CADM2: variants seen among roughly 807,000 people sequenced by gnomAD.
CADM2 encodes cell adhesion molecule 2.
In CADM2, 12 loss-of-function variants were observed where a neutral mutation model predicts 49.8. The observed-to-expected ratio is 0.24, with a 90% confidence interval of 0.15 to 0.39. The LOEUF is 0.39. Among genes scored for constraint, CADM2 ranks in the 10% least tolerant of loss-of-function variants. The pLI is 1.00. For missense variants in CADM2, 378 were observed against 492.3 expected, an observed-to-expected ratio of 0.77 and a Z score of 2.20; for synonymous variants, 214 against 175.4, an observed-to-expected ratio of 1.22 and a Z score of -1.74.
chr3:85,674,283 G>A (rs892012093), intron 1 of CADM2, among the ~76,000 whole-genome samples: 1 of 152,100 alleles, frequency 6.6e-6, no homozygotes, highest in African/African-American at 2.4e-5. Flanking sequence ...GCACACCCAA[G>A]TTAGTATTTT....
At position 85,772,239 on chromosome 3, in the gene CADM2, A is replaced by C. The variant is rs184254183; in HGVS notation, c.89-29808A>C. 3.3e-3 allele frequency among the ~76,000 whole-genome samples: 509 copies of C among 152,178 alleles called. 1 individual carries two copies. Among genetic ancestry groups the C allele is most frequent in the Admixed American group, 0.01 (155 of 15,262 alleles). ...ATCCAACTGGAAAAAGATAATTTTCATAATATTAACTGGTCATTAACTGAC... is the reference window on the plus strand; with the variant it reads ...ATCCAACTGGAAAAAGATAATTTTCCTAATATTAACTGGTCATTAACTGAC... On this transcript the variant is annotated intron_variant, in intron 2 of 9. Transcript: ENST00000383699.
At chr3:85,986,270 C>T (rs755244930) in intron 8 of CADM2, among the ~76,000 whole-genome samples, 1 of 151,828 alleles carries the variant, frequency 6.6e-6, no homozygotes, top group African/African-American at 2.4e-5. Context: ...AAAGAAAAAG[C>T]ATTCCAGTAC....
In CADM2 at chr3:85,725,149, G is replaced by C. The variant is rs566631446; in HGVS notation, c.62-1373G>C. Among the ~76,000 whole-genome samples, 69 of 151,926 alleles carry C rather than the reference G, an allele frequency of 4.5e-4. 1 individual carries two copies. The highest frequency in any genetic ancestry group is 1.6e-3 in the African/African-American group (67 of 41,520). On this transcript the variant is annotated intron_variant, in intron 1 of 9. Transcript: ENST00000383699. ...ATTTCCTAAAATAACTTTGTTTTTA[G>C]TTAAGATGTTTTTGTCTGGTAAAAA...
chr3:85,453,447 A>G (rs2037844903), intron 1 of CADM2, among the ~76,000 whole-genome samples: 1 of 152,098 alleles, frequency 6.6e-6, no homozygotes, highest in African/African-American at 2.4e-5. Context: ...TCTTCAATTC[A>G]CATATTTTAT....
At chr3:85,977,648 A>G (rs780384439) in intron 8 of CADM2, among the ~76,000 whole-genome samples, 15 of 151,758 alleles carry the variant, frequency 9.9e-5, no homozygotes, top group Non-Finnish European at 1.8e-4. Flanking sequence ...AACAAGAAGT[A>G]TCTTTGTCCA....
At chr3:85,663,427 A>C (rs1028597054) in intron 1 of CADM2, among the ~76,000 whole-genome samples, 1 of 151,768 alleles carries the variant, frequency 6.6e-6, no homozygotes, top group African/African-American at 2.4e-5. Flanking sequence ...CATATCTCTC[A>C]TTCTTGCTTT....
intron 1 of CADM2, among the ~76,000 whole-genome samples, chr3:85,589,533 A>C (rs2063045999): frequency 6.6e-6 from 1 of 152,010 alleles, no homozygotes; most frequent in African/African-American, 2.4e-5. Flanking sequence ...AGTATCCTGT[A>C]GGCTGGTCTA....
intron 6 of CADM2, among the ~76,000 whole-genome samples, chr3:85,913,034 A>G (rs1717836497): frequency 6.6e-6 from 1 of 152,168 alleles, no homozygotes; most frequent in African/African-American, 2.4e-5. Flanking sequence ...ATCATTATTC[A>G]CAATCAATAA....
chr3:85,839,599 T>C (rs538162756), intron 3 of CADM2, among the ~76,000 whole-genome samples: 7 of 151,892 alleles, frequency 4.6e-5, no homozygotes, highest in African/African-American at 1.4e-4. Context: ...AGGCACACAA[T>C]TTAGCCTTCT....
intron 1 of CADM2, among the ~76,000 whole-genome samples, chr3:85,114,150 CTGCAATTAGGGT>C (rs2038559140): frequency 6.6e-6 from 1 of 151,878 alleles, no homozygotes; most frequent in Admixed American, 6.6e-5. Context: ...TACAGTTCCT[CTGCAATTAGGGT>C]TGCAAGGCTT....
At chr3:85,852,004 G>A (rs986152146) in intron 3 of CADM2, among the ~76,000 whole-genome samples, 1 of 151,922 alleles carries the variant, frequency 6.6e-6, no homozygotes, top group African/African-American at 2.4e-5. Context: ...TAACTACATG[G>A]CAATTTTATG....
At chr3:85,706,498 C>A (rs1020447723) in intron 1 of CADM2, among the ~76,000 whole-genome samples, 1 of 152,146 alleles carries the variant, frequency 6.6e-6, no homozygotes, top group Admixed American at 6.5e-5. Flanking sequence ...TGTTTTTCTG[C>A]CACAGGCCAT....
At chr3:85,844,398 A>C (rs2074785059) in intron 3 of CADM2, among the ~76,000 whole-genome samples, 1 of 152,138 alleles carries the variant, frequency 6.6e-6, no homozygotes, top group Admixed American at 6.6e-5. Context: ...AATATGTTTA[A>C]ATTTCCGTAG....
intron 1 of CADM2, among the ~76,000 whole-genome samples, chr3:85,316,448 T>C (rs1404694178): frequency 2.6e-5 from 4 of 152,150 alleles, no homozygotes; most frequent in Admixed American, 2.6e-4. Flanking sequence ...CAGTAACAAA[T>C]ATTTCATTGT....
At chr3:85,739,636 G>A (rs2068294315) in intron 2 of CADM2, among the ~76,000 whole-genome samples, 1 of 152,046 alleles carries the variant, frequency 6.6e-6, no homozygotes, top group Admixed American at 6.6e-5. Flanking sequence ...AAGGAACACA[G>A]TGTGAAAGGG....
chr3:85,788,574 A>G (rs1202536015), intron 2 of CADM2, among the ~76,000 whole-genome samples: 1 of 152,118 alleles, frequency 6.6e-6, no homozygotes, highest in African/African-American at 2.4e-5. Context: ...GAGTATGCAT[A>G]TAACAGGTGC....
intron 7 of CADM2, among the ~76,000 whole-genome samples, chr3:85,943,391 T>C (rs1234709868): frequency 6.9e-6 from 1 of 145,692 alleles, no homozygotes; most frequent in Non-Finnish European, 1.5e-5. Context: ...TTTGGTGTTT[T>C]AGACATGAAG....
intron 8 of CADM2, among the ~76,000 whole-genome samples, chr3:85,988,440 G>A (rs531151509): frequency 5.9e-5 from 9 of 152,206 alleles, no homozygotes; most frequent in African/African-American, 2.2e-4. Context: ...ACTGCTTTTA[G>A]CGAAGCTATG....
At chr3:85,014,364 ATTG>A (rs1483335310) in intron 1 of CADM2, among the ~76,000 whole-genome samples, 4 of 151,926 alleles carry the variant, frequency 2.6e-5, no homozygotes, top group African/African-American at 9.7e-5. Context: ...ATTATTAGTT[ATTG>A]TTGTTAATCT....
Sources: allele counts gnomAD v4.1 joint callset (sites outside exome capture counted in the v4.1 genomes callset), GRCh38; gene constraint gnomAD v4.1.1; transcripts MANE v1.5; gene names NCBI Gene and HGNC (gene_info 2026-07-23, HGNC 2026-07-21).